The following KIAA1328 variants were observed in gnomAD, a reference collection of about 807,000 sequenced individuals.
KIAA1328 encodes the protein KIAA1328.
KIAA1328 carries 52 observed loss-of-function variants against 68.1 expected under a neutral mutation model. That is an observed-to-expected ratio of 0.76 (90% CI 0.61 to 0.96). The LOEUF (loss-of-function observed/expected upper bound fraction) is 0.96, where lower values mean the gene tolerates loss of function less well. Ranked by LOEUF, KIAA1328 falls within the 40% of genes least tolerant of loss-of-function variation. The pLI, the probability that KIAA1328 is intolerant of heterozygous loss-of-function variation, is 0.00. For synonymous variants in KIAA1328, 232 were observed against 239.4 expected, an observed-to-expected ratio of 0.97 and a Z score of 0.28; for missense variants, 641 against 677.6, an observed-to-expected ratio of 0.95 and a Z score of 0.60.
intron 4 of KIAA1328, among the ~76,000 whole-genome samples, chr18:36,883,827 C>G (rs889757150): frequency 5.9e-5 from 9 of 151,900 alleles, no homozygotes; most frequent in Non-Finnish European, 1.5e-5. Flanking sequence ...TTTCTGTAAT[C>G]TACTTATTAC....
chr18:36,997,787 A>C (rs189078223), intron 6 of KIAA1328, among the ~76,000 whole-genome samples: 5 of 152,300 alleles, frequency 3.3e-5, no homozygotes, highest in Non-Finnish European at 5.9e-5. Flanking sequence ...CAGTGCTGGT[A>C]AGTGAGCAGA....
intron 6 of KIAA1328, among the ~76,000 whole-genome samples, chr18:36,976,480 C>T (rs1352723432): frequency 1.3e-5 from 2 of 151,932 alleles, no homozygotes; most frequent in African/African-American, 4.8e-5. Context: ...CAGGTTACAA[C>T]AGTAGCCACC....
intron 7 of KIAA1328, among the ~76,000 whole-genome samples, chr18:37,101,448 G>A (rs948644357): frequency 1.2e-4 from 19 of 152,154 alleles, no homozygotes; most frequent in African/African-American, 3.1e-4. Flanking sequence ...GAAATGAAGC[G>A]AGAAGAGAAG....
At chr18:36,885,938 A>G in intron 5 of KIAA1328, 1 of 410,658 alleles carries the variant, frequency 2.4e-6, no homozygotes, top group Non-Finnish European at 4.3e-6. Flanking sequence ...GCTGGTCTTG[A>G]ACTCCTGACC....
intron 9 of KIAA1328, among the ~76,000 whole-genome samples, chr18:37,177,342 G>T (rs1474816035): frequency 6.6e-6 from 1 of 152,126 alleles, no homozygotes; most frequent in African/African-American, 2.4e-5. Context: ...CACAGTGATT[G>T]TTGGACCCTG....
rs1325819080 is a variant in KIAA1328, at chr18:36,881,134, T to C, written c.333-4423T>C. On this transcript the variant is annotated intron_variant, in intron 4 of 9. Transcript: ENST00000280020. ...AACCAGTAAGTATTAGAAAGTTAAC[T>C]TGTTTTTTTTTTTTTTGGTTGCCAG... 5.7e-5 allele frequency among the ~76,000 whole-genome samples: 8 copies of C among 141,214 alleles called. No homozygotes were observed. The East Asian group carries it at 1.5e-3, about 27-fold the overall frequency. 92.6% of individuals were successfully genotyped at this position (141,214 alleles called of 152,430 possible).
Position 36,939,988 on chromosome 18 carries a change from T to C in KIAA1328, c.449-19320T>C, listed in dbSNP as rs1049480068. ...AGTCAATTTTATCTCAGATATCTTT[T>C]GAAAGAGAAATAGTTGAATTTTTTT... On this transcript the variant is annotated intron_variant, in intron 5 of 9. Transcript: ENST00000280020. 5.5e-5 allele frequency among the ~76,000 whole-genome samples: 8 copies of C among 146,646 alleles called. No homozygotes were observed. In the Admixed American group the frequency reaches 5.7e-4, roughly 10 times the overall value.
chr18:36,976,311 A>G (rs2052469309), intron 6 of KIAA1328, among the ~76,000 whole-genome samples: 1 of 152,236 alleles, frequency 6.6e-6, no homozygotes, highest in Non-Finnish European at 1.5e-5. Flanking sequence ...GATGTAAGCT[A>G]GTCGTGACTG....
chr18:37,166,345 A>AGCCCGTGGGCCATATGTG (rs1363235734), intron 8 of KIAA1328, among the ~76,000 whole-genome samples: 4 of 152,198 alleles, frequency 2.6e-5, no homozygotes, highest in African/African-American at 9.6e-5. Context: ...CCCAACCCGC[A>AGCCCGTGGGCCATATGTG]GCCCGTGGGC....
At chr18:37,192,166 T>TGC (rs879408243) in intron 9 of KIAA1328, among the ~76,000 whole-genome samples, 5 of 151,600 alleles carry the variant, frequency 3.3e-5, no homozygotes, top group Admixed American at 3.3e-4. Flanking sequence ...TGTGTGTGTG[T>TGC]GTGTGTGTGT....
chr18:37,175,280 T>A (rs939530767), intron 9 of KIAA1328, among the ~76,000 whole-genome samples: 49 of 152,196 alleles, frequency 3.2e-4, no homozygotes, highest in Non-Finnish European at 6.6e-4. Flanking sequence ...GAGGGAAGTA[T>A]GAAAAAATGG....
At chr18:37,075,001 G>A (rs1235966655) in intron 7 of KIAA1328, 9 of 151,512 alleles carry the variant, frequency 5.9e-5, no homozygotes, top group Non-Finnish European at 1.3e-4. Context: ...GATACTCCTC[G>A]AGAAGAGCAA....
chr18:36,850,783 G>C (rs1168294452), intron 4 of KIAA1328, among the ~76,000 whole-genome samples: 1 of 152,148 alleles, frequency 6.6e-6, no homozygotes, highest in Non-Finnish European at 1.5e-5. Flanking sequence ...GCAGGACTGA[G>C]TTGAACTGCA....
rs146065223 is a variant in KIAA1328 at position 37,108,494 on chromosome 18, C to G, written c.1232+40949C>G. Reference sequence around the variant, plus strand: ...CCGTGTAACAAATCTGCACATGTACCTTCTGTATCTAAAATAAAAACTGAA... The same window carrying G: ...CCGTGTAACAAATCTGCACATGTACGTTCTGTATCTAAAATAAAAACTGAA... On this transcript the variant is annotated intron_variant, in intron 7 of 9. Coordinates refer to ENST00000280020, the MANE Select transcript of KIAA1328 (RefSeq NM_020776.3). Among the ~76,000 whole-genome samples the G allele has an allele frequency of 3.8e-3, 582 of 152,192 alleles. 27 individuals are homozygous for G. In the East Asian group the frequency reaches 0.096, roughly 25 times the overall value.
chr18:37,083,157 T>C (rs924038407), intron 7 of KIAA1328, among the ~76,000 whole-genome samples: 1 of 152,208 alleles, frequency 6.6e-6, no homozygotes, highest in Non-Finnish European at 1.5e-5. Context: ...ACTACTGCTG[T>C]AGAGGCTACT....
intron 7 of KIAA1328, among the ~76,000 whole-genome samples, chr18:37,135,522 C>A (rs1009224501): frequency 1.3e-5 from 2 of 152,070 alleles, no homozygotes; most frequent in Non-Finnish European, 2.9e-5. Flanking sequence ...CTTTTGCCCA[C>A]TTTTTAATGG....
At chr18:37,028,087 C>T (rs892108848) in intron 6 of KIAA1328, among the ~76,000 whole-genome samples, 3 of 152,122 alleles carry the variant, frequency 2.0e-5, no homozygotes, top group Admixed American at 6.6e-5. Context: ...ATTTATGCAG[C>T]CAACAGACAC....
chr18:37,104,267 G>T (rs2057707771), intron 7 of KIAA1328, among the ~76,000 whole-genome samples: 1 of 152,150 alleles, frequency 6.6e-6, no homozygotes, highest in Non-Finnish European at 1.5e-5. Context: ...GAATCAACCT[G>T]TGTCCATCAT....
rs2059534762 is a variant in KIAA1328 at position 37,173,201 on chromosome 18, T to G, written c.1523+120T>G. On this transcript the variant is annotated intron_variant, in intron 9 of 9. Coordinates refer to ENST00000280020, the MANE Select transcript of KIAA1328 (RefSeq NM_020776.3). ...CTTAGTAATTCTTTCTCAAGAGAGG[T>G]CCTTCTTTTGAAGCATCTAGATTTG... 4.2e-6 allele frequency: 3 copies of G among 706,284 alleles called. No homozygotes were observed. The East Asian group carries it at 8.4e-5, about 20-fold the overall frequency. The allele number at this position is 706,284 out of a possible 1,614,324, so 43.8% of individuals were successfully genotyped here.
Sources: allele counts gnomAD v4.1 joint callset (sites outside exome capture counted in the v4.1 genomes callset), GRCh38; gene constraint gnomAD v4.1.1; transcripts MANE v1.5; gene names NCBI Gene and HGNC (gene_info 2026-07-23, HGNC 2026-07-21).